Variants in TMEM156 observed in about 807,000 individuals in gnomAD.
TMEM156 encodes transmembrane protein 156.
TMEM156 carries 28 observed loss-of-function variants against 30.5 expected under a neutral mutation model. The ratio of observed to expected loss-of-function variants is 0.92; its 90% CI spans 0.68 to 1.26. TMEM156 has a LOEUF of 1.26. Ranked by LOEUF, TMEM156 falls within the 50% of genes most tolerant of loss-of-function variation. TMEM156 has a pLI of 0.00. For synonymous variants in TMEM156, 137 were observed against 119.9 expected (o/e 1.14, Z -0.93); for missense variants, 351 against 340.6 (o/e 1.03, Z -0.24).
rs553927293 is a variant in TMEM156, at chr4:38,967,122, T to A, written c.*558A>T. ...GCCTCTTTGAATTTTTTTAAAAACA[T>A]CCTGGTGCTAAAAGGCAGCAAGATT... On this transcript the variant is annotated 3_prime_UTR_variant, in exon 7 of 7. Coordinates refer to ENST00000381938, the MANE Select transcript of TMEM156 (RefSeq NM_024943.3). 1 of 152,128 alleles carries A rather than the reference T, an allele frequency of 6.6e-6. No individual in the cohort carries two copies. The highest frequency in any genetic ancestry group is 1.5e-5 in the Non-Finnish European group (1 of 68,034). The allele number at this position is 152,128 out of a possible 1,614,324, so 9.4% of individuals were successfully genotyped here.
At chr4:39,025,488 T>TATC (rs1335205970) in intron 1 of TMEM156, among the ~76,000 whole-genome samples, 4 of 151,588 alleles carry the variant, frequency 2.6e-5, no homozygotes, top group Non-Finnish European at 5.9e-5. Flanking sequence ...GGGAAAAACA[T>TATC]ATCATATTGT....
intron 5 of TMEM156, among the ~76,000 whole-genome samples, chr4:38,978,629 A>T (rs1723015882): frequency 6.6e-6 from 1 of 152,166 alleles, no homozygotes; most frequent in African/African-American, 2.4e-5. Flanking sequence ...TAATCTATAA[A>T]ATCAGCACAC....
chr4:39,008,658 A>T (rs1273863456), intron 1 of TMEM156, among the ~76,000 whole-genome samples: 1 of 152,184 alleles, frequency 6.6e-6, no homozygotes, highest in Non-Finnish European at 1.5e-5. Context: ...AAACCAGACA[A>T]ATACATGGAA....
At chr4:39,010,981 A>G (rs1714073673) in intron 1 of TMEM156, among the ~76,000 whole-genome samples, 1 of 152,174 alleles carries the variant, frequency 6.6e-6, no homozygotes, top group South Asian at 2.1e-4. Flanking sequence ...GAGACAACCT[A>G]CAAAATGGAA....
intron 5 of TMEM156, among the ~76,000 whole-genome samples, chr4:38,972,059 G>T (rs764660377): frequency 6.6e-6 from 1 of 151,938 alleles, no homozygotes; most frequent in African/African-American, 2.4e-5. Flanking sequence ...AAAGTGCTGG[G>T]ATTACAGGTG....
intron 5 of TMEM156, chr4:38,980,865 A>C: frequency 6.7e-6 from 6 of 893,484 alleles, no homozygotes; most frequent in South Asian, 5.2e-5. Context: ...GGAGATGTTT[A>C]TGTGCACATG....
At chr4:39,028,638 G>T (rs992987876) in intron 1 of TMEM156, 1 of 152,142 alleles carries the variant, frequency 6.6e-6, no homozygotes, top group East Asian at 1.9e-4. Context: ...AGATCACTGG[G>T]ATTTACATGA....
At chr4:38,997,450 A>G (rs887326366) in intron 2 of TMEM156, among the ~76,000 whole-genome samples, 8 of 152,248 alleles carry the variant, frequency 5.3e-5, no homozygotes, top group Admixed American at 2.0e-4. Context: ...AAAAGAAGAG[A>G]TACATAAATG....
At chr4:39,025,345 C>CAAAAAAAAAAAAAAAAAAAAAAAAAAAAA (rs59380844) in intron 1 of TMEM156, among the ~76,000 whole-genome samples, 1 of 65,780 alleles carries the variant, frequency 1.5e-5, no homozygotes, top group African/African-American at 6.7e-5. Context: ...AAGACTGTCT[C>CAAAAAAAAAAAAAAAAAAAAAAAAAAAAA]AAAAAAAAAA....
rs60499521 is a variant in TMEM156 at position 39,031,905 on chromosome 4, A to AAAAAAAAAC, written c.88+320_88+321insGTTTTTTTT. Reference sequence around the variant, plus strand: ...AAAAAAAAAAATAAAAAATAAAAAAATAAAAAAAAACTGCTTTGAAGAAAG... The same window carrying AAAAAAAAAC: ...AAAAAAAAAAATAAAAAATAAAAAAAAAAAAAAACTAAAAAAAAACTGCTTTGAAGAAAG... On this transcript the variant is annotated intron_variant, in intron 1 of 6. Transcript: ENST00000381938. Among the ~76,000 whole-genome samples the AAAAAAAAAC allele has an allele frequency of 3.3e-4, 43 of 129,248 alleles. 1 individual carries two copies. Among genetic ancestry groups the AAAAAAAAAC allele is most frequent in the East Asian group, 1.1e-3 (5 of 4,398 alleles). The allele number at this position is 129,248 out of a possible 152,430, so 84.8% of individuals were successfully genotyped here.
At chr4:38,993,383 G>C (rs765138225) in intron 3 of TMEM156, among the ~76,000 whole-genome samples, 2 of 151,808 alleles carry the variant, frequency 1.3e-5, no homozygotes, top group Non-Finnish European at 2.9e-5. Context: ...AGTGAGCAGT[G>C]ATCGTGTCAC....
chr4:38,976,155 T>C (rs1251722554), intron 5 of TMEM156, among the ~76,000 whole-genome samples: 3 of 151,758 alleles, frequency 2.0e-5, no homozygotes, highest in African/African-American at 7.3e-5. Flanking sequence ...GGCATGGTGG[T>C]GCGTGCCTGT....
intron 2 of TMEM156, among the ~76,000 whole-genome samples, chr4:38,996,785 A>G (rs1240433565): frequency 6.6e-6 from 1 of 152,216 alleles, no homozygotes; most frequent in Non-Finnish European, 1.5e-5. Context: ...CATCCCGAAG[A>G]CACAATCTGC....
At chr4:38,988,000 G>A (rs554931935) in intron 4 of TMEM156, among the ~76,000 whole-genome samples, 8 of 152,156 alleles carry the variant, frequency 5.3e-5, no homozygotes, top group South Asian at 4.2e-4. Flanking sequence ...GGTACACACC[G>A]GTAGCATCAT....
chr4:39,032,324 A>T lies in TMEM156; in HGVS notation c.-11T>A. The stretch of plus-strand genomic sequence containing the variant: ...GGCTGTTTTTGTCATGTCTCTTCAC[A>T]TGACACAAATGTGTTCCCTTGCAGT... On this transcript the variant is annotated 5_prime_UTR_variant, in exon 1 of 7. It removes an upstream start codon present in the reference 5' UTR. Transcript: ENST00000381938. 1 of 1,540,546 alleles carries T rather than the reference A, an allele frequency of 6.5e-7. No homozygotes were observed. Among genetic ancestry groups the T allele is most frequent in the Middle Eastern group, 1.7e-4 (1 of 5,944 alleles).
intron 2 of TMEM156, among the ~76,000 whole-genome samples, chr4:38,996,216 AC>A (rs1303230081): frequency 6.6e-6 from 1 of 151,768 alleles, no homozygotes; most frequent in Non-Finnish European, 1.5e-5. Flanking sequence ...GAAAGTCAAA[AC>A]TACAATCAGA....
chr4:38,981,084 A>G (rs1723156723), intron 5 of TMEM156: 1 of 244,954 alleles, frequency 4.1e-6, no homozygotes, highest in Non-Finnish European at 6.5e-6. Context: ...CCAAATCTGT[A>G]TTTTAAGAGT....
intron 5 of TMEM156, among the ~76,000 whole-genome samples, chr4:38,979,806 A>T (rs568532641): frequency 4.1e-4 from 63 of 152,318 alleles, no homozygotes; most frequent in African/African-American, 1.3e-3. Context: ...AGCTGTGAAA[A>T]TTTTCTGATG....
chr4:38,989,271 G>T (rs574248716), intron 3 of TMEM156, among the ~76,000 whole-genome samples: 1 of 152,160 alleles, frequency 6.6e-6, no homozygotes, highest in African/African-American at 2.4e-5. Flanking sequence ...CTGTAACTAA[G>T]GTAAGACCAC....
Sources: gnomAD v4.1 joint callset for allele counts (sites outside exome capture counted in the v4.1 genomes callset) on GRCh38, gnomAD v4.1.1 for gene constraint, MANE v1.5 for transcripts, NCBI Gene and HGNC (gene_info 2026-07-23, HGNC 2026-07-21) for gene names.